TTC39C: variants seen among roughly 807,000 people sequenced by gnomAD.
TTC39C encodes tetratricopeptide repeat protein 39C.
TTC39C carries 33 observed loss-of-function variants against 76.3 expected under a neutral mutation model. That is an observed-to-expected ratio of 0.43 (90% CI 0.33 to 0.58). The LOEUF is 0.58. Among genes scored for constraint, TTC39C ranks in the 20% least tolerant of loss-of-function variants. TTC39C has a pLI of 0.04. For synonymous variants in TTC39C, 254 were observed against 260.6 expected (o/e 0.97, Z 0.24); for missense variants, 595 against 701.4 (o/e 0.85, Z 1.71).
Position 24,101,316 on chromosome 18 carries a change from A to AAAC in TTC39C, c.985-13236_985-13235insCAA, listed in dbSNP as rs906999955. On this transcript the variant is annotated intron_variant, in intron 6 of 13. Transcript: ENST00000317571. ...GCTTTAATTTTTCATAAAAAAAAAA[A>AAAC]AAAAAAACTGGCTGGGCACTGTGGC... 5.3e-5 allele frequency among the ~76,000 whole-genome samples: 8 copies of AAAC among 151,514 alleles called. No individual in the cohort carries two copies. The South Asian group carries it at 8.4e-4, about 16-fold the overall frequency.
intron 6 of TTC39C, chr18:24,099,161 T>A (rs1383425268): frequency 6.6e-6 from 1 of 151,284 alleles, no homozygotes; most frequent in Non-Finnish European, 1.5e-5. Flanking sequence ...TGTCTTAGTT[T>A]GGGCTGCTAT....
At chr18:24,044,472 GTGCACCGCT>G (rs1196459281) in intron 1 of TTC39C, among the ~76,000 whole-genome samples, 1 of 152,180 alleles carries the variant, frequency 6.6e-6, no homozygotes, top group South Asian at 2.1e-4. Flanking sequence ...TGTCTCCAGG[GTGCACCGCT>G]TTTGCGGCAG....
At chr18:24,018,289 T>G (rs2083478311) in intron 1 of TTC39C, among the ~76,000 whole-genome samples, 2 of 152,158 alleles carry the variant, frequency 1.3e-5, no homozygotes, top group African/African-American at 2.4e-5. Context: ...CAAGTCCATG[T>G]GTTTGTAAGT....
At chr18:24,108,488 CAGTT>C (rs2084774027) in intron 6 of TTC39C, among the ~76,000 whole-genome samples, 1 of 152,172 alleles carries the variant, frequency 6.6e-6, no homozygotes. Flanking sequence ...CAAGTCCTCT[CAGTT>C]AGGTATTGCT....
At chr18:24,022,702 T>C (rs2083531999) in intron 1 of TTC39C, 2 of 985,334 alleles carry the variant, frequency 2.0e-6, no homozygotes, top group South Asian at 9.4e-5. Context: ...TTAGACGCTC[T>C]GTGGCTCCCA....
chr18:24,024,707 A>G (rs2083576050), intron 1 of TTC39C, among the ~76,000 whole-genome samples: 1 of 152,166 alleles, frequency 6.6e-6, no homozygotes, highest in African/African-American at 2.4e-5. Context: ...CCCTCTGCAC[A>G]CCAACAACTT....
At chr18:24,033,766 C>T (rs58887563) in intron 1 of TTC39C, among the ~76,000 whole-genome samples, 3,219 of 152,290 alleles carry the variant, frequency 0.021, 105 homozygotes, top group African/African-American at 0.074. Flanking sequence ...AGTAGCCAAT[C>T]GTGTGACTTC....
intron 1 of TTC39C, among the ~76,000 whole-genome samples, chr18:24,025,994 C>A (rs867678662): frequency 1.1e-4 from 16 of 152,258 alleles, no homozygotes; most frequent in South Asian, 1.0e-3. Flanking sequence ...TAGTGTTGGG[C>A]TCCCTGGGTC....
chr18:23,995,658 T>G (rs2083255276), intron 1 of TTC39C, among the ~76,000 whole-genome samples: 1 of 151,860 alleles, frequency 6.6e-6, no homozygotes. Context: ...TGTATAAAAG[T>G]TTTTGTGTGA....
chr18:24,098,473 T>C (rs1599323268), intron 6 of TTC39C, among the ~76,000 whole-genome samples: 1 of 121,120 alleles, frequency 8.3e-6, no homozygotes, highest in Non-Finnish European at 1.7e-5. Flanking sequence ...CTTTCTTTTC[T>C]CCTCTCCCTT....
In TTC39C at chr18:24,040,801, G is replaced by C. The variant is rs370899795; in HGVS notation, c.168-23339G>C. ...AAGATTGGTTAAGTGAGTTTCCACT[G>C]TGTGTTACTTTTTGTGTGCATGTGT... is the stretch of plus-strand genomic sequence containing the variant. On this transcript the variant is annotated intron_variant, in intron 1 of 13. Transcript: ENST00000317571. Among the ~76,000 whole-genome samples, 102 of 152,228 alleles carry C rather than the reference G, an allele frequency of 6.7e-4. 2 individuals carry two copies. In the South Asian group the frequency reaches 0.021, roughly 31 times the overall value.
At chr18:24,129,025 G>T (rs370348268) in intron 11 of TTC39C, 42 bp downstream of exon 11, 37 of 1,490,104 alleles carry the variant, frequency 2.5e-5, no homozygotes, top group Admixed American at 3.5e-5. Flanking sequence ...AATAAGTCAC[G>T]AACACCTACG....
intron 1 of TTC39C, among the ~76,000 whole-genome samples, chr18:24,008,844 A>G (rs1323854359): frequency 6.6e-6 from 1 of 152,244 alleles, no homozygotes; most frequent in African/African-American, 2.4e-5. Context: ...TGTGGCACAT[A>G]TATACCGTGG....
chr18:24,109,307 T>G (rs1163000709), intron 6 of TTC39C, among the ~76,000 whole-genome samples: 1 of 151,518 alleles, frequency 6.6e-6, no homozygotes, highest in Non-Finnish European at 1.5e-5. Flanking sequence ...CCAGCCTGGG[T>G]GACAGAGCAA....
intron 8 of TTC39C, among the ~76,000 whole-genome samples, chr18:24,119,702 C>T (rs1305126997): frequency 6.6e-6 from 1 of 152,126 alleles, no homozygotes. Flanking sequence ...GTGTCTCACA[C>T]TTAAAGGATT....
At chr18:24,080,179 A>G (rs145097911) in intron 4 of TTC39C, among the ~76,000 whole-genome samples, 1 of 152,332 alleles carries the variant, frequency 6.6e-6, no homozygotes, top group African/African-American at 2.4e-5. Flanking sequence ...AGGGTAGACA[A>G]ATGCAAGGAT....
At chr18:24,083,427 C>A (rs897947902) in intron 6 of TTC39C, among the ~76,000 whole-genome samples, 16 of 152,204 alleles carry the variant, frequency 1.1e-4, no homozygotes, top group African/African-American at 3.6e-4. Flanking sequence ...CTAATAATCT[C>A]TTTCTAAACT....
intron 8 of TTC39C, among the ~76,000 whole-genome samples, chr18:24,120,706 C>T (rs2084955854): frequency 6.6e-6 from 1 of 152,200 alleles, no homozygotes; most frequent in Non-Finnish European, 1.5e-5. Flanking sequence ...TTCACGTTTT[C>T]CCCGAGACCC....
intron 6 of TTC39C, among the ~76,000 whole-genome samples, chr18:24,095,210 T>C (rs1256486798): frequency 6.6e-6 from 1 of 152,224 alleles, no homozygotes; most frequent in Non-Finnish European, 1.5e-5. Flanking sequence ...CTTCTACAGC[T>C]TCCTCACCTC....
Sources: gnomAD v4.1 joint callset for allele counts (sites outside exome capture counted in the v4.1 genomes callset) on GRCh38, gnomAD v4.1.1 for gene constraint, MANE v1.5 for transcripts, NCBI Gene and HGNC (gene_info 2026-07-23, HGNC 2026-07-21) for gene names.